XPO6: variants seen among roughly 807,000 people sequenced by gnomAD.
The protein encoded by XPO6 is exportin 6.
In XPO6, 3 loss-of-function variants were observed where a neutral mutation model predicts 130.0. That is an observed-to-expected ratio of 0.02 (90% confidence interval 0.01 to 0.06). The LOEUF is 0.06. Ranked by LOEUF, XPO6 falls within the 10% of genes least tolerant of loss-of-function variation. The pLI is 1.00. For synonymous variants in XPO6, 524 were observed against 548.9 expected, an observed-to-expected ratio of 0.95 and a Z score of 0.63; for missense variants, 970 against 1,393.0, an observed-to-expected ratio of 0.70 and a Z score of 4.83.
rs527270177 is a variant in XPO6 at position 28,176,072 on chromosome 16, A to T, written c.231T>A (p.Leu77=). The change falls in exon 4 of 24, where the codon CTT becomes CTA. Residue 77 remains leucine, a synonymous_variant. Transcript: ENST00000304658. The part of the protein sequence containing the change: ...VFENLINKMW[L]GVPSQDKMEI... ...CCATCTTATCCTGAGATGGGACCCC[A>T]AGCCACATTTTATTGATCAGATTCT... 6.2e-7 allele frequency: 1 copy of T among 1,614,198 alleles called. No homozygotes were observed. The highest frequency in any genetic ancestry group is 1.7e-5 in the Admixed American group (1 of 60,028).
At chr16:28,210,786 C>G (rs1171850895) in intron 1 of XPO6, among the ~76,000 whole-genome samples, 1 of 152,204 alleles carries the variant, frequency 6.6e-6, no homozygotes, top group Middle Eastern at 3.2e-3. Flanking sequence ...TTGCCATCAC[C>G]TGTGCAAGTG....
chr16:28,119,217 C>T (rs1477147890), intron 14 of XPO6, among the ~76,000 whole-genome samples: 1 of 149,834 alleles, frequency 6.7e-6, no homozygotes, highest in Non-Finnish European at 1.5e-5. Context: ...CAGAGTCTCA[C>T]TATGTTGCCC....
intron 2 of XPO6, 51 bp downstream of exon 2, chr16:28,180,890 C>A: frequency 6.7e-7 from 1 of 1,485,090 alleles, no homozygotes; most frequent in South Asian, 1.2e-5. Context: ...TTCCTCCCTA[C>A]CAGGGCCTCC....
At chr16:28,167,650 C>T (rs1422008587) in intron 5 of XPO6, among the ~76,000 whole-genome samples, 1 of 152,202 alleles carries the variant, frequency 6.6e-6, no homozygotes, top group African/African-American at 2.4e-5. Context: ...TCTCCCCACT[C>T]AAGTGTAAAT....
Position 28,101,194 on chromosome 16 carries a change from A to G in XPO6, c.3276+264T>C. On this transcript the variant is annotated intron_variant, in intron 23 of 23. Transcript: ENST00000304658. The surrounding 1 kb of genome is among the most constrained non-coding windows in gnomAD (Gnocchi z 5.4). ...TGAACAAAGATGCCAAGACAAATGGAGGGGCTGCAGAGCCAGGAACTCGGG... is the reference window on the plus strand; with the variant it reads ...TGAACAAAGATGCCAAGACAAATGGGGGGGCTGCAGAGCCAGGAACTCGGG... The G allele has an allele frequency of 1.8e-6, 1 of 546,804 alleles. No homozygotes were observed. Among genetic ancestry groups the G allele is most frequent in the South Asian group, 2.0e-5 (1 of 50,684 alleles). The allele number at this position is 546,804 out of a possible 1,614,324, so 33.9% of individuals were successfully genotyped here.
chr16:28,144,514 G>A (rs1015297098), intron 9 of XPO6, among the ~76,000 whole-genome samples: 5 of 152,172 alleles, frequency 3.3e-5, no homozygotes, highest in African/African-American at 7.2e-5. Flanking sequence ...GAGCTCCAGC[G>A]ATTCTTCTGC....
At chr16:28,141,990 C>T (rs2141786532) in intron 9 of XPO6, among the ~76,000 whole-genome samples, 1 of 152,306 alleles carries the variant, frequency 6.6e-6, no homozygotes, top group South Asian at 2.1e-4. Context: ...AAAAATAAAT[C>T]TATGTATATT....
chr16:28,153,033 C>T (rs1419911629), intron 7 of XPO6: 6 of 1,110,600 alleles, frequency 5.4e-6, no homozygotes, highest in Admixed American at 5.4e-5. Flanking sequence ...TAATCTAGTG[C>T]GCTCACATTT....
chr16:28,176,625 G>C lies in XPO6; in HGVS notation c.208-530C>G, dbSNP rs545265554. ...CCATTCTCCTACCACAGCCTCCAGA[G>C]TAGCTGGGACTACAGGCACCCGCCA... On this transcript the variant is annotated intron_variant, in intron 3 of 23. Transcript: ENST00000304658. 6.6e-5 allele frequency among the ~76,000 whole-genome samples: 10 copies of C among 151,412 alleles called. No homozygotes were observed. In the East Asian group the frequency reaches 1.9e-3, roughly 29 times the overall value.
intron 13 of XPO6, among the ~76,000 whole-genome samples, chr16:28,123,816 C>T (rs867372685): frequency 5.3e-5 from 8 of 152,178 alleles, no homozygotes. Flanking sequence ...CTAATATTAG[C>T]TTTGTTTTAT....
At chr16:28,201,765 A>G (rs1681349710) in intron 1 of XPO6, among the ~76,000 whole-genome samples, 2 of 152,332 alleles carry the variant, frequency 1.3e-5, no homozygotes, top group Middle Eastern at 3.4e-3. Flanking sequence ...CTGAGGCAGG[A>G]GAATGCTTGA....
At position 28,164,369 on chromosome 16, in the gene XPO6, T is replaced by C. The variant is rs538274132; in HGVS notation, c.643+2139A>G. ...AGTTGAACAAAAGCATCAAAATGAA[T>C]GGTGATTGCATCATCAGCACTGTCC... On this transcript the variant is annotated intron_variant, in intron 6 of 23. Coordinates refer to ENST00000304658, the MANE Select transcript of XPO6 (RefSeq NM_015171.4). 9.2e-5 allele frequency among the ~76,000 whole-genome samples: 14 copies of C among 152,356 alleles called. No homozygotes were observed. In the South Asian group the frequency reaches 2.9e-3, roughly 32 times the overall value.
intron 5 of XPO6, 132 bp downstream of exon 5, chr16:28,169,618 G>T: frequency 1.7e-6 from 2 of 1,151,908 alleles, no homozygotes; most frequent in Non-Finnish European, 2.5e-6. Context: ...TAGGTGTTGG[G>T]AACGCAGCTT....
chr16:28,154,981 AT>A, intron 7 of XPO6, among the ~76,000 whole-genome samples: 1 of 152,358 alleles, frequency 6.6e-6, no homozygotes, highest in South Asian at 2.1e-4. Flanking sequence ...ACATATTACC[AT>A]ATCAGATTGT....
At chr16:28,190,473 C>G (rs2043768864) in intron 1 of XPO6, among the ~76,000 whole-genome samples, 1 of 152,286 alleles carries the variant, frequency 6.6e-6, no homozygotes, top group East Asian at 1.9e-4. Context: ...TACCGCCCAC[C>G]TCGGCCTCCC....
At chr16:28,184,358 T>G (rs1286164429) in intron 1 of XPO6, among the ~76,000 whole-genome samples, 2 of 152,176 alleles carry the variant, frequency 1.3e-5, no homozygotes, top group African/African-American at 4.8e-5. Context: ...GTGAGACACA[T>G]TCACACACAA....
chr16:28,144,987 T>C (rs535867171), intron 9 of XPO6, among the ~76,000 whole-genome samples: 2 of 152,254 alleles, frequency 1.3e-5, no homozygotes, highest in African/African-American at 4.8e-5. Flanking sequence ...GACCACCTAA[T>C]CTGAAATTGC....
intron 13 of XPO6, among the ~76,000 whole-genome samples, chr16:28,122,835 T>C (rs1462241182): frequency 6.6e-6 from 1 of 152,106 alleles, no homozygotes; most frequent in Admixed American, 6.5e-5. Context: ...GGTGGGTATA[T>C]GTGTATTCCC....
At chr16:28,125,303 T>G (rs2087367255) in intron 13 of XPO6, among the ~76,000 whole-genome samples, 1 of 152,214 alleles carries the variant, frequency 6.6e-6, no homozygotes, top group Non-Finnish European at 1.5e-5. Flanking sequence ...CTCTTTATCC[T>G]ATGAGGAAAG....
Sources: allele counts gnomAD v4.1 joint callset (sites outside exome capture counted in the v4.1 genomes callset), GRCh38; gene constraint gnomAD v4.1.1; non-coding constraint Gnocchi (gnomAD v3.1); transcripts MANE v1.5; gene names NCBI Gene and HGNC (gene_info 2026-07-23, HGNC 2026-07-21).